The following GRIK2 variants were observed in gnomAD, a reference collection of about 807,000 sequenced individuals.
GRIK2 encodes glutamate ionotropic receptor kainate type subunit 2, also known as glutamate receptor ionotropic, kainate 2.
GRIK2 carries 32 observed loss-of-function variants against 100.3 expected under a neutral mutation model. That is an observed-to-expected ratio of 0.32 (90% CI 0.24 to 0.43). The LOEUF is 0.43. Ranked by LOEUF, GRIK2 falls within the 20% of genes least tolerant of loss-of-function variation. GRIK2 has a pLI of 1.00. For synonymous variants in GRIK2, 417 were observed against 389.4 expected (o/e 1.07, Z -0.83); for missense variants, 843 against 1,114.9 (o/e 0.76, Z 3.47).
chr6:101,788,887 T>C (rs1779623882), intron 7 of GRIK2, among the ~76,000 whole-genome samples: 1 of 152,196 alleles, frequency 6.6e-6, no homozygotes, highest in South Asian at 2.1e-4. Context: ...TTCCTGACTG[T>C]TTAATGATTG....
chr6:101,638,613 G>C (rs189048904), intron 4 of GRIK2, among the ~76,000 whole-genome samples: 49 of 152,164 alleles, frequency 3.2e-4, no homozygotes, highest in Non-Finnish European at 3.8e-4. Context: ...AAGGAGCCAC[G>C]TTTTAGTTTT....
intron 12 of GRIK2, among the ~76,000 whole-genome samples, chr6:101,909,088 G>C (rs1175075098): frequency 6.6e-6 from 1 of 150,974 alleles, no homozygotes; most frequent in Non-Finnish European, 1.5e-5. Flanking sequence ...AAACACAAAG[G>C]TTATTCTGTA....
chr6:101,588,853 A>T (rs1351088972), intron 2 of GRIK2, among the ~76,000 whole-genome samples: 1 of 152,054 alleles, frequency 6.6e-6, no homozygotes, highest in Non-Finnish European at 1.5e-5. Flanking sequence ...TTAAAAAAAG[A>T]TCATTCTAGC....
At chr6:101,923,407 A>G (rs746615559) in intron 12 of GRIK2, among the ~76,000 whole-genome samples, 107 of 152,292 alleles carry the variant, frequency 7.0e-4, no homozygotes, top group Non-Finnish European at 7.4e-4. Context: ...TTAATTGATA[A>G]ATATATCTGG....
chr6:102,006,596 G>A (rs1350367680), intron 14 of GRIK2, among the ~76,000 whole-genome samples: 1 of 151,600 alleles, frequency 6.6e-6, no homozygotes, highest in Non-Finnish European at 1.5e-5. Flanking sequence ...CCAAACAACT[G>A]GGCTCAAGTG....
At chr6:101,791,230 T>A (rs1277676901) in intron 7 of GRIK2, among the ~76,000 whole-genome samples, 1 of 152,220 alleles carries the variant, frequency 6.6e-6, no homozygotes, top group Non-Finnish European at 1.5e-5. Context: ...TGATTTTAGT[T>A]GTTTCTTGCC....
chr6:101,894,780 G>GT (rs202114221), intron 12 of GRIK2, among the ~76,000 whole-genome samples: 3,051 of 151,246 alleles, frequency 0.02, 107 homozygotes, highest in African/African-American at 0.071. Context: ...TATATGTTAG[G>GT]TTTTTTTTCC....
chr6:101,938,212 A>C (rs1470971804), intron 14 of GRIK2, among the ~76,000 whole-genome samples: 1 of 152,080 alleles, frequency 6.6e-6, no homozygotes, highest in Non-Finnish European at 1.5e-5. Flanking sequence ...TCTTATTTAA[A>C]GATAATACTG....
At chr6:101,854,773 C>T (rs1210666753) in intron 10 of GRIK2, among the ~76,000 whole-genome samples, 1 of 151,954 alleles carries the variant, frequency 6.6e-6, no homozygotes, top group Admixed American at 6.6e-5. Flanking sequence ...TACTGGGCAC[C>T]TACTATATGC....
At chr6:101,399,427 C>T in intron 2 of GRIK2, 35 bp downstream of exon 2, 1 of 1,057,206 alleles carries the variant, frequency 9.5e-7, no homozygotes, top group Non-Finnish European at 1.5e-6. Flanking sequence ...TGCCTGGTAT[C>T]CGCTCCCAGG....
chr6:101,448,967 A>T (rs942851122), intron 2 of GRIK2, among the ~76,000 whole-genome samples: 6 of 151,642 alleles, frequency 4.0e-5, no homozygotes, highest in Non-Finnish European at 8.9e-5. Flanking sequence ...GGATATTTGA[A>T]CACTATTAAA....
At chr6:101,532,550 T>TA (rs1554215575) in intron 2 of GRIK2, among the ~76,000 whole-genome samples, 8 of 150,708 alleles carry the variant, frequency 5.3e-5, no homozygotes, top group South Asian at 2.1e-4. Flanking sequence ...TTTTTTTTTT[T>TA]AAAGTTTTAT....
At chr6:102,026,011 TA>T (rs1769677655) in intron 14 of GRIK2, among the ~76,000 whole-genome samples, 1 of 150,228 alleles carries the variant, frequency 6.7e-6, no homozygotes, top group South Asian at 2.1e-4. Flanking sequence ...TATTCTTGCT[TA>T]CTAGGGTGAT....
intron 7 of GRIK2, among the ~76,000 whole-genome samples, chr6:101,795,273 G>T (rs1780216444): frequency 6.6e-6 from 1 of 152,158 alleles, no homozygotes; most frequent in South Asian, 2.1e-4. Flanking sequence ...TATAGGGTTA[G>T]CAGTAGCATA....
At chr6:102,018,242 G>T (rs546201235) in intron 14 of GRIK2, among the ~76,000 whole-genome samples, 1 of 152,012 alleles carries the variant, frequency 6.6e-6, no homozygotes, top group South Asian at 2.1e-4. Context: ...CTACAATCTC[G>T]CAGATCCCTC....
At chr6:101,505,762 G>T (rs1311696585) in intron 2 of GRIK2, among the ~76,000 whole-genome samples, 1 of 138,880 alleles carries the variant, frequency 7.2e-6, no homozygotes, top group Non-Finnish European at 1.5e-5. Flanking sequence ...GACAGAAACT[G>T]CTTGAAGAAA....
intron 15 of GRIK2, among the ~76,000 whole-genome samples, chr6:102,037,217 AC>A (rs1193053083): frequency 1.3e-5 from 2 of 151,354 alleles, no homozygotes; most frequent in East Asian, 1.9e-4. Flanking sequence ...ATGAAAAAAA[AC>A]AAACGAGTTC....
At chr6:101,531,263 A>G (rs917841634) in intron 2 of GRIK2, among the ~76,000 whole-genome samples, 4 of 151,978 alleles carry the variant, frequency 2.6e-5, no homozygotes, top group African/African-American at 4.8e-5. Context: ...TACTTCTAAT[A>G]TAGAATTTAC....
At chr6:101,718,032 T>G (rs534389269) in intron 7 of GRIK2, among the ~76,000 whole-genome samples, 59 of 151,968 alleles carry the variant, frequency 3.9e-4, no homozygotes, top group African/African-American at 1.4e-3. Flanking sequence ...CCTATGTTTC[T>G]TTGCCAGGTA....
Sources: gnomAD v4.1 joint callset for allele counts (sites outside exome capture counted in the v4.1 genomes callset) on GRCh38, gnomAD v4.1.1 for gene constraint, MANE v1.5 for transcripts, NCBI Gene and HGNC (gene_info 2026-07-23, HGNC 2026-07-21) for gene names.